The following LYN variants were observed in gnomAD, a reference collection of about 807,000 sequenced individuals.
The protein encoded by LYN is LYN proto-oncogene, Src family tyrosine kinase, also known as tyrosine-protein kinase Lyn.
In LYN, 12 loss-of-function variants were observed where a neutral mutation model predicts 65.0. That is an observed-to-expected ratio of 0.18 (90% CI 0.12 to 0.30). LYN has a LOEUF of 0.30. Ranked by LOEUF, LYN falls within the 10% of genes least tolerant of loss-of-function variation. The pLI, the probability that LYN is intolerant of heterozygous loss-of-function variation, is 1.00. For synonymous variants in LYN, 222 were observed against 221.2 expected, an observed-to-expected ratio of 1.00 and a Z score of -0.03; for missense variants, 380 against 623.2, an observed-to-expected ratio of 0.61 and a Z score of 4.16.
Position 56,011,096 on chromosome 8 carries a change from A to G in LYN, c.*986A>G, listed in dbSNP as rs1469785246. 4.3e-6 allele frequency: 1 copy of G among 230,576 alleles called. No individual in the cohort carries two copies. Among genetic ancestry groups the G allele is most frequent in the Non-Finnish European group, 8.6e-6 (1 of 116,546 alleles). 14.3% of individuals were successfully genotyped at this position (230,576 alleles called of 1,614,324 possible). ...AATTTTAGTTGTACTCTAGAAAGCT[A>G]AAGTGCCACATTCGGGGCTATTTTT... On this transcript the variant is annotated 3_prime_UTR_variant, in exon 13 of 13. Coordinates refer to ENST00000519728, the MANE Select transcript of LYN (RefSeq NM_002350.4).
intron 10 of LYN, among the ~76,000 whole-genome samples, 155 bp from the exon 11 acceptor site, chr8:55,998,191 G>A (rs1326038909): frequency 6.6e-6 from 1 of 151,940 alleles, no homozygotes; most frequent in Admixed American, 6.5e-5. Context: ...GGGCTCAAAT[G>A]GTGATTGCCA....
In LYN at chr8:56,010,199, G is replaced by A; in HGVS notation, c.*89G>A. 1 of 1,331,514 alleles carries A rather than the reference G, an allele frequency of 7.5e-7. No homozygotes were observed. The highest frequency in any genetic ancestry group is 1.1e-6 in the Non-Finnish European group (1 of 938,888). The allele number at this position is 1,331,514 out of a possible 1,614,324, so 82.5% of individuals were successfully genotyped here. ...TCACTGGTTGCACTTATGATTTCAT[G>A]TGCGGGGATCATCTGCCGTGCCTGG... On this transcript the variant is annotated 3_prime_UTR_variant, in exon 13 of 13. Transcript: ENST00000519728.
Position 55,896,071 on chromosome 8 carries a change from T to A in LYN, c.-6+15968T>A, listed in dbSNP as rs147434289. 5.0e-4 allele frequency among the ~76,000 whole-genome samples: 76 copies of A among 151,894 alleles called. No individual in the cohort carries two copies. In the East Asian group the frequency reaches 0.011, roughly 23 times the overall value. ...CACCTTTTCTTTTATCATTAGCTCA[T>A]CCTTAAGCATCTCGTTAGGGGTAAA... On this transcript the variant is annotated intron_variant, in intron 1 of 12. Transcript: ENST00000519728.
rs748270691 is a variant in LYN at position 55,969,764 on chromosome 8, C to T, written c.1021C>T (p.Leu341Phe). 1.2e-6 allele frequency: 2 copies of T among 1,614,164 alleles called. No individual in the cohort carries two copies. Among genetic ancestry groups the T allele is most frequent in the South Asian group, 1.1e-5 (1 of 91,084 alleles). ...GAGCGATGAAGGTGGCAAAGTGCTG[C>T]TTCCAAAGCTCATTGACTTTTCTGC... ...LKSDEGGKVLLPKLIDFSAQI... is the reference protein window; with the variant it reads ...LKSDEGGKVLFPKLIDFSAQI... Residue 341 changes from leucine to phenylalanine, a missense_variant, in exon 10 of 13, where the codon CTT (leucine) becomes TTT (phenylalanine). Physicochemically the swap from Leu to Phe is conservative, Grantham distance 22 (BLOSUM62 0). Coordinates refer to ENST00000519728, the MANE Select transcript of LYN (RefSeq NM_002350.4).
intron 1 of LYN, among the ~76,000 whole-genome samples, chr8:55,887,571 TATATAC>T (rs201417033): frequency 0.05 from 2,500 of 50,304 alleles, 60 homozygotes; most frequent in Admixed American, 0.14. Context: ...TATATATATA[TATATAC>T]ACACACACAC....
intron 10 of LYN, among the ~76,000 whole-genome samples, chr8:55,982,768 C>T (rs971319578): frequency 6.6e-6 from 1 of 152,178 alleles, no homozygotes; most frequent in African/African-American, 2.4e-5. Context: ...GTCCTCTCCC[C>T]TCGAGCCACT....
intron 1 of LYN, among the ~76,000 whole-genome samples, chr8:55,934,770 C>A (rs568840554): frequency 6.3e-4 from 96 of 152,330 alleles, no homozygotes; most frequent in African/African-American, 2.3e-3. Flanking sequence ...CTTAAACCCA[C>A]TTCCCACCTC....
intron 1 of LYN, among the ~76,000 whole-genome samples, chr8:55,927,198 T>C (rs1703388428): frequency 6.6e-6 from 1 of 152,222 alleles, no homozygotes; most frequent in Non-Finnish European, 1.5e-5. Context: ...ATTACAGTCA[T>C]ATAGAATAGT....
At chr8:55,986,821 G>A (rs1454752313) in intron 10 of LYN, among the ~76,000 whole-genome samples, 2 of 152,154 alleles carry the variant, frequency 1.3e-5, no homozygotes, top group African/African-American at 4.8e-5. Context: ...AAACTCCTAG[G>A]CTCAAGCGAT....
At chr8:55,952,759 G>A (rs978064661) in intron 7 of LYN, among the ~76,000 whole-genome samples, 1 of 152,190 alleles carries the variant, frequency 6.6e-6, no homozygotes, top group African/African-American at 2.4e-5. Flanking sequence ...ATCTGGAATA[G>A]GAATGCAGAT....
At chr8:55,985,589 C>T (rs1808053667) in intron 10 of LYN, among the ~76,000 whole-genome samples, 1 of 152,134 alleles carries the variant, frequency 6.6e-6, no homozygotes, top group African/African-American at 2.4e-5. Flanking sequence ...CAGAATAACA[C>T]ACATCAAGTT....
chr8:55,938,108 G>A (rs1176364202), intron 1 of LYN, among the ~76,000 whole-genome samples: 1 of 152,156 alleles, frequency 6.6e-6, no homozygotes, highest in African/African-American at 2.4e-5. Flanking sequence ...ATGAGGATGA[G>A]CCACCCCTAA....
At chr8:55,893,189 C>G (rs1370405528) in intron 1 of LYN, among the ~76,000 whole-genome samples, 6 of 152,200 alleles carry the variant, frequency 3.9e-5, no homozygotes, top group Non-Finnish European at 8.8e-5. Context: ...AAAATTCTCA[C>G]ACATGAGTTT....
At chr8:55,974,896 C>T (rs894071253) in intron 10 of LYN, among the ~76,000 whole-genome samples, 13 of 152,230 alleles carry the variant, frequency 8.5e-5, no homozygotes, top group East Asian at 5.8e-4. Context: ...AAGTGGAAGC[C>T]GCAGGTGATT....
intron 2 of LYN, among the ~76,000 whole-genome samples, chr8:55,944,951 T>C (rs983792164): frequency 6.6e-6 from 1 of 152,236 alleles, no homozygotes; most frequent in Non-Finnish European, 1.5e-5. Flanking sequence ...AATTCCCTCC[T>C]GTATACCATT....
intron 10 of LYN, among the ~76,000 whole-genome samples, chr8:55,977,875 C>T (rs77111748): frequency 0.011 from 1,735 of 152,128 alleles, 33 homozygotes; most frequent in African/African-American, 0.034. Flanking sequence ...GCTATGATTA[C>T]ACCCACCGCC....
chr8:55,942,141 C>A lies in LYN; in HGVS notation c.132+150C>A, dbSNP rs187192360. 3.7e-6 allele frequency: 3 copies of A among 803,248 alleles called. No individual in the cohort carries two copies. In the Admixed American group the frequency reaches 9.3e-5, roughly 25 times the overall value. 49.8% of individuals were successfully genotyped at this position (803,248 alleles called of 1,614,324 possible). On this transcript the variant is annotated intron_variant, in intron 2 of 12. Transcript: ENST00000519728. Reference sequence around the variant, plus strand: ...TTTTGATATGCTTTGTAACTTTATCCTTTGAAGAATGTATAAATATTTTAG... The same window carrying A: ...TTTTGATATGCTTTGTAACTTTATCATTTGAAGAATGTATAAATATTTTAG...
At chr8:55,888,788 G>A (rs908072951) in intron 1 of LYN, among the ~76,000 whole-genome samples, 1 of 152,156 alleles carries the variant, frequency 6.6e-6, no homozygotes, top group South Asian at 2.1e-4. Flanking sequence ...CCAGGCTGGA[G>A]TGCAGTGGTA....
In LYN at chr8:55,880,012, C is replaced by A. The variant is rs1343988065; in HGVS notation, c.-97C>A. 6.7e-6 allele frequency: 2 copies of A among 298,828 alleles called. No individual in the cohort carries two copies. The highest frequency in any genetic ancestry group is 1.4e-5 in the Non-Finnish European group (2 of 145,226). The allele number at this position is 298,828 out of a possible 1,614,324, so 18.5% of individuals were successfully genotyped here. ...GTTCCCGGCCAGCAGCCTCCCCATA[C>A]GCAGGTCCTGCTGGGCCGCCCCGTC... On this transcript the variant is annotated 5_prime_UTR_variant, in exon 1 of 13. Coordinates refer to ENST00000519728, the MANE Select transcript of LYN (RefSeq NM_002350.4).
Sources: allele counts gnomAD v4.1 joint callset (sites outside exome capture counted in the v4.1 genomes callset), GRCh38; gene constraint gnomAD v4.1.1; transcripts MANE v1.5; gene names NCBI Gene and HGNC (gene_info 2026-07-23, HGNC 2026-07-21).